Variants in TMEM97 observed in about 807,000 individuals in gnomAD.
TMEM97 encodes the protein sigma intracellular receptor 2.
A neutral mutation model predicts 18.3 loss-of-function variants in TMEM97; 13 were observed. That is an observed-to-expected ratio of 0.71 (90% CI 0.46 to 1.13). TMEM97 has a LOEUF of 1.13. Ranked by LOEUF, TMEM97 falls within the 50% of genes most tolerant of loss-of-function variation. The probability of loss-of-function intolerance (pLI) is 0.00; values close to 1 mark genes in which losing one functional copy is unlikely to be tolerated. For missense variants in TMEM97, 205 were observed against 210.5 expected, an observed-to-expected ratio of 0.97 and a Z score of 0.16; for synonymous variants, 76 against 85.3, an observed-to-expected ratio of 0.89 and a Z score of 0.60.
intron 1 of TMEM97, among the ~76,000 whole-genome samples, chr17:28,323,308 C>T (rs554840573): frequency 6.6e-6 from 1 of 152,180 alleles, no homozygotes; most frequent in South Asian, 2.1e-4. Context: ...CTGATCTCAT[C>T]TTGTAGGCCT....
chr17:28,323,171 C>T (rs1555575084), intron 1 of TMEM97, among the ~76,000 whole-genome samples: 1 of 152,202 alleles, frequency 6.6e-6, no homozygotes, highest in South Asian at 2.1e-4. Context: ...TTTCTACTCT[C>T]CTACTCACAA....
chr17:28,326,819 G>T lies in TMEM97; in HGVS notation c.*26G>T, dbSNP rs183839374. On this transcript the variant is annotated 3_prime_UTR_variant, in exon 3 of 3. Transcript: ENST00000226230. ...AGGAAACAACCACTGGCCCAGGGTAGAGATGCCTACAGGGTGGTTGCTTGT... is the reference window on the plus strand; with the variant it reads ...AGGAAACAACCACTGGCCCAGGGTATAGATGCCTACAGGGTGGTTGCTTGT... The T allele has an allele frequency of 6.2e-7, 1 of 1,602,250 alleles. No homozygotes were observed. Among genetic ancestry groups the T allele is most frequent in the Admixed American group, 1.7e-5 (1 of 58,890 alleles).
chr17:28,328,291 T>C lies in TMEM97; in HGVS notation c.*1498T>C, dbSNP rs1043172. The C allele has an allele frequency of 4.4e-6, 1 of 228,644 alleles. No individual in the cohort carries two copies. The highest frequency in any genetic ancestry group is 6.0e-5 in the South Asian group (1 of 16,608). 14.2% of individuals were successfully genotyped at this position (228,644 alleles called of 1,614,324 possible). A position where few individuals can be genotyped will look rare whatever the true frequency, so the allele number is the denominator to read the frequency against. On this transcript the variant is annotated 3_prime_UTR_variant, in exon 3 of 3. Coordinates refer to ENST00000226230, the MANE Select transcript of TMEM97 (RefSeq NM_014573.3). ...GGGTTCTCTCATGAGGAGTTAAACA[T>C]ATTTCAAGAGCAACAGGAAAAAAGG...
Position 28,326,888 on chromosome 17 carries a change from CA to C in TMEM97, c.*96del. The C allele has an allele frequency of 7.0e-7, 1 of 1,434,888 alleles. No homozygotes were observed. Among genetic ancestry groups the C allele is most frequent in the Non-Finnish European group, 9.3e-7 (1 of 1,070,004 alleles). 88.9% of individuals were successfully genotyped at this position (1,434,888 alleles called of 1,614,324 possible). Reference sequence around the variant, plus strand: ...CACTGCTCAGAACCCACGTCTTCAGCAGCATTTGAAACACTGGCAGCAATGC... The same window carrying C: ...CACTGCTCAGAACCCACGTCTTCAGCGCATTTGAAACACTGGCAGCAATGC... On this transcript the variant is annotated 3_prime_UTR_variant, in exon 3 of 3. Coordinates refer to ENST00000226230, the MANE Select transcript of TMEM97 (RefSeq NM_014573.3).
intron 2 of TMEM97, chr17:28,325,874 C>T (rs1906314845): frequency 1.7e-6 from 1 of 578,852 alleles, no homozygotes; most frequent in South Asian, 2.2e-5. Flanking sequence ...TCTGGAAATC[C>T]CTTGCATACA....
chr17:28,326,702 A>C lies in TMEM97; in HGVS notation c.440A>C (p.Tyr147Ser). 6.2e-7 allele frequency: 1 copy of C among 1,614,072 alleles called. No homozygotes were observed. The highest frequency in any genetic ancestry group is 8.5e-7 in the Non-Finnish European group (1 of 1,180,030). The change falls in exon 3 of 3, where the codon TAT (tyrosine) becomes TCT (serine). Residue 147 changes from tyrosine to serine, a missense_variant. Coordinates refer to ENST00000226230, the MANE Select transcript of TMEM97 (RefSeq NM_014573.3). ...GAACGGTTAACCCTTGTGTCTGTCT[A>C]TGCCCCCTACTTACTCATCCCATTC... The part of the protein sequence containing the change: ...LHERLTLVSV[Y>S]APYLLIPFIL...
rs112502130 is a variant in TMEM97 at position 28,322,557 on chromosome 17, A to C, written c.127-2946A>C. Among the ~76,000 whole-genome samples, 289 of 152,238 alleles carry C rather than the reference A, an allele frequency of 1.9e-3. 4 individuals carry two copies. Among genetic ancestry groups the C allele is most frequent in the African/African-American group, 6.7e-3 (278 of 41,524 alleles). ...CCACGCCTGGCCTGGAAAAACTCTTATTTTATTATGAAACAGTAAGAATTT... is the reference window on the plus strand; with the variant it reads ...CCACGCCTGGCCTGGAAAAACTCTTCTTTTATTATGAAACAGTAAGAATTT... On this transcript the variant is annotated intron_variant, in intron 1 of 2. Transcript: ENST00000226230.
Position 28,326,840 on chromosome 17 carries a change from C to T in TMEM97, c.*47C>T. 1 of 1,578,030 alleles carries T rather than the reference C, an allele frequency of 6.3e-7. No individual in the cohort carries two copies. The highest frequency in any genetic ancestry group is 8.5e-7 in the Non-Finnish European group (1 of 1,169,720). ...GGTAGAGATGCCTACAGGGTGGTTG[C>T]TTGTTGGATACAATACAAGGAACAC... On this transcript the variant is annotated 3_prime_UTR_variant, in exon 3 of 3. Coordinates refer to ENST00000226230, the MANE Select transcript of TMEM97 (RefSeq NM_014573.3).
At chr17:28,324,307 AG>A (rs1473015320) in intron 1 of TMEM97, among the ~76,000 whole-genome samples, 5 of 152,374 alleles carry the variant, frequency 3.3e-5, no homozygotes, top group Non-Finnish European at 7.3e-5. Context: ...TTGGTTATCT[AG>A]CCAAAGCCTT....
intron 1 of TMEM97, among the ~76,000 whole-genome samples, chr17:28,321,281 A>G (rs1000398493): frequency 9.2e-5 from 14 of 152,334 alleles, no homozygotes; most frequent in African/African-American, 3.4e-4. Context: ...CTGCTACTCC[A>G]TGTAGCCATT....
At chr17:28,324,000 A>T (rs1374125173) in intron 1 of TMEM97, among the ~76,000 whole-genome samples, 3 of 152,190 alleles carry the variant, frequency 2.0e-5, no homozygotes, top group Non-Finnish European at 2.9e-5. Flanking sequence ...GTCTCAAAAA[A>T]AATAATAATA....
rs1181570257 is a variant in TMEM97, at chr17:28,319,514, A to C, written c.126+149A>C. The C allele has an allele frequency of 6.1e-6, 6 of 979,576 alleles. No homozygotes were observed. The African/African-American group carries it at 8.6e-5, about 14-fold the overall frequency. The allele number at this position is 979,576 out of a possible 1,614,324, so 60.7% of individuals were successfully genotyped here. ...CCTCCCCCGCTCCTAACCCAACTTTAGTTCGGTGTTTTCCTCGGGCTTTGT... is the reference window on the plus strand; with the variant it reads ...CCTCCCCCGCTCCTAACCCAACTTTCGTTCGGTGTTTTCCTCGGGCTTTGT... On this transcript the variant is annotated intron_variant, in intron 1 of 2. Coordinates refer to ENST00000226230, the MANE Select transcript of TMEM97 (RefSeq NM_014573.3).
chr17:28,319,466 G>A, intron 1 of TMEM97, 101 bp downstream of exon 1: 1 of 1,378,206 alleles, frequency 7.3e-7, no homozygotes, highest in Non-Finnish European at 9.5e-7. Flanking sequence ...GGTTCCAGTT[G>A]CCTCTCTCGG....
intron 1 of TMEM97, among the ~76,000 whole-genome samples, chr17:28,325,046 T>G (rs1291459543): frequency 3.3e-5 from 5 of 151,542 alleles, no homozygotes; most frequent in African/African-American, 4.9e-5. Context: ...TGGTGTGTAG[T>G]TGCCATTACA....
At chr17:28,320,833 A>G (rs904906449) in intron 1 of TMEM97, among the ~76,000 whole-genome samples, 2 of 152,072 alleles carry the variant, frequency 1.3e-5, no homozygotes, top group East Asian at 1.9e-4. Context: ...CGTCACTTCA[A>G]TCTCTGCTTC....
At position 28,319,205 on chromosome 17, in the gene TMEM97, C is replaced by G; in HGVS notation, c.-35C>G. On this transcript the variant is annotated 5_prime_UTR_variant, in exon 1 of 3. Coordinates refer to ENST00000226230, the MANE Select transcript of TMEM97 (RefSeq NM_014573.3). ...AAGGCGCGCGGATTTGGCCCCTCTT[C>G]TCACATCAGCGGGTCCAGGCCCAAC... 6.4e-7 allele frequency: 1 copy of G among 1,561,306 alleles called. No homozygotes were observed. The highest frequency in any genetic ancestry group is 2.4e-5 in the East Asian group (1 of 42,108).
In TMEM97 at chr17:28,325,773, G is replaced by A. The variant is rs577495617; in HGVS notation, c.271+126G>A. Reference sequence around the variant, plus strand: ...TGTGGGAGAATGCTACAGGATCTGGGGTAAATAGCCAGGGTAGATCTTGTA... The same window carrying A: ...TGTGGGAGAATGCTACAGGATCTGGAGTAAATAGCCAGGGTAGATCTTGTA... On this transcript the variant is annotated intron_variant, in intron 2 of 2. Transcript: ENST00000226230. 1.4e-5 allele frequency: 19 copies of A among 1,327,134 alleles called. No homozygotes were observed. The Middle Eastern group carries it at 1.4e-3, about 96-fold the overall frequency. The allele number at this position is 1,327,134 out of a possible 1,614,324, so 82.2% of individuals were successfully genotyped here. A position where few individuals can be genotyped will look rare whatever the true frequency, so the allele number is the denominator to read the frequency against.
At chr17:28,320,868 T>C (rs143657540) in intron 1 of TMEM97, among the ~76,000 whole-genome samples, 1 of 152,340 alleles carries the variant, frequency 6.6e-6, no homozygotes, top group Non-Finnish European at 1.5e-5. Context: ...CCTCCCTTTC[T>C]GTAGTCAGAG....
In TMEM97 at chr17:28,319,468, C is replaced by G. The variant is rs552187933; in HGVS notation, c.126+103C>G. On this transcript the variant is annotated intron_variant, in intron 1 of 2. Transcript: ENST00000226230. ...CTCGCGCACTCTGGGTTCCAGTTGC[C>G]TCTCTCGGGTCCTGCCCATGCCTCC... 29 of 1,370,074 alleles carry G rather than the reference C, an allele frequency of 2.1e-5. No homozygotes were observed. In the African/African-American group the frequency reaches 4.2e-4, roughly 20 times the overall value. 84.9% of individuals were successfully genotyped at this position (1,370,074 alleles called of 1,614,324 possible).
Sources: gnomAD v4.1 joint callset for allele counts (sites outside exome capture counted in the v4.1 genomes callset) on GRCh38, gnomAD v4.1.1 for gene constraint, MANE v1.5 for transcripts, NCBI Gene and HGNC (gene_info 2026-07-23, HGNC 2026-07-21) for gene names.